SPATA12: variants seen among roughly 807,000 people sequenced by gnomAD.
SPATA12 encodes the protein spermatogenesis associated 12.
For missense variants in SPATA12, 219 were observed against 226.4 expected, an observed-to-expected ratio of 0.97 and a Z score of 0.21; for synonymous variants, 85 against 89.2, an observed-to-expected ratio of 0.95 and a Z score of 0.26.
intron 1 of SPATA12, among the ~76,000 whole-genome samples, chr3:57,067,925 G>C (rs1705652689): frequency 6.6e-6 from 1 of 152,012 alleles, no homozygotes; most frequent in African/African-American, 2.4e-5. Flanking sequence ...GGGAGGCAGA[G>C]CTTGCAGTGA....
chr3:57,061,585 C>T (rs773119601), intron 1 of SPATA12, among the ~76,000 whole-genome samples: 3 of 152,272 alleles, frequency 2.0e-5, no homozygotes, highest in South Asian at 2.1e-4. Flanking sequence ...TTGTGAATAA[C>T]GCTGCTGGGA....
rs1356539202 is a variant in SPATA12 at position 57,075,019 on chromosome 3, C to T, written c.*752C>T. ...CCTTCTGCAGTGAGATAGACCATGT[C>T]CAGTGCTCAGGAGTTGACTGGCCAC... On this transcript the variant is annotated 3_prime_UTR_variant, in exon 2 of 2. Coordinates refer to ENST00000334325, the MANE Select transcript of SPATA12 (RefSeq NM_181727.2). 6.0e-6 allele frequency: 1 copy of T among 167,162 alleles called. No homozygotes were observed. Among genetic ancestry groups the T allele is most frequent in the Non-Finnish European group, 1.5e-5 (1 of 68,226 alleles). 10.4% of individuals were successfully genotyped at this position (167,162 alleles called of 1,614,324 possible).
intron 1 of SPATA12, among the ~76,000 whole-genome samples, chr3:57,068,159 A>G (rs1705668998): frequency 2.3e-5 from 1 of 43,510 alleles, no homozygotes; most frequent in African/African-American, 8.9e-5. Context: ...ATATGCGCGC[A>G]CACACACATA....
intron 1 of SPATA12, among the ~76,000 whole-genome samples, chr3:57,067,381 G>C (rs1705603544): frequency 6.6e-6 from 1 of 151,488 alleles, no homozygotes; most frequent in Non-Finnish European, 1.5e-5. Context: ...CGTGAACCCA[G>C]GAGGCAGAGC....
In SPATA12 at chr3:57,073,859, G is replaced by C; in HGVS notation, c.165G>C (p.Gln55His). The stretch of plus-strand genomic sequence containing the variant: ...CCCACTGTGCACTGGCATCATGCCA[G>C]GGTCCAGGTGTCCTGCCAGGAGCAG... ...NKPHCALASC[Q>H]GPGVLPGAAS... Residue 55 changes from glutamine to histidine, a missense_variant, in exon 2 of 2, where the codon CAG becomes CAC. Coordinates refer to ENST00000334325, the MANE Select transcript of SPATA12 (RefSeq NM_181727.2). The C allele has an allele frequency of 6.2e-7, 1 of 1,614,208 alleles. No homozygotes were observed. Among genetic ancestry groups the C allele is most frequent in the Non-Finnish European group, 8.5e-7 (1 of 1,180,044 alleles).
In SPATA12 at chr3:57,075,040, G is replaced by C. The variant is rs925796170; in HGVS notation, c.*773G>C. 1.8e-5 allele frequency: 3 copies of C among 167,098 alleles called. No individual in the cohort carries two copies. Among genetic ancestry groups the C allele is most frequent in the Non-Finnish European group, 4.4e-5 (3 of 68,156 alleles). The allele number at this position is 167,098 out of a possible 1,614,324, so 10.4% of individuals were successfully genotyped here. A position where few individuals can be genotyped will look rare whatever the true frequency, so the allele number is the denominator to read the frequency against. The stretch of plus-strand genomic sequence containing the variant: ...ATGTCCAGTGCTCAGGAGTTGACTG[G>C]CCACACTGGGGAGTTTGACCACAAC... On this transcript the variant is annotated 3_prime_UTR_variant, in exon 2 of 2. Transcript: ENST00000334325.
chr3:57,066,265 T>C (rs1035875972), intron 1 of SPATA12, among the ~76,000 whole-genome samples: 2 of 151,500 alleles, frequency 1.3e-5, no homozygotes, highest in African/African-American at 4.9e-5. Flanking sequence ...ACTTTTCCTT[T>C]CTTTCTTTTT....
At position 57,073,526 on chromosome 3, in the gene SPATA12, GC is replaced by G; in HGVS notation, c.-168del. On this transcript the variant is annotated 5_prime_UTR_variant, in exon 2 of 2. The change creates a premature stop within an existing upstream ORF in the 5' untranslated region. Coordinates refer to ENST00000334325, the MANE Select transcript of SPATA12 (RefSeq NM_181727.2). Reference sequence around the variant, plus strand: ...AGTATCTGGGTGACTGTGGGGTTTGGCTCTGTTTGAGCACCCCGGGATGATT... The same window carrying G: ...AGTATCTGGGTGACTGTGGGGTTTGGTCTGTTTGAGCACCCCGGGATGATT... The G allele has an allele frequency of 8.8e-7, 1 of 1,129,986 alleles. No individual in the cohort carries two copies. Among genetic ancestry groups the G allele is most frequent in the Admixed American group, 3.0e-5 (1 of 33,382 alleles). 70.0% of individuals were successfully genotyped at this position (1,129,986 alleles called of 1,614,324 possible). A position where few individuals can be genotyped will look rare whatever the true frequency, so the allele number is the denominator to read the frequency against.
In SPATA12 at chr3:57,074,377, C is replaced by A; in HGVS notation, c.*110C>A. ...ACCCCCACCAGGGGTGACTCGTAGC[C>A]ATCCCTTTCTGCATCTTCTTAGATA... On this transcript the variant is annotated 3_prime_UTR_variant, in exon 2 of 2. Transcript: ENST00000334325. The A allele has an allele frequency of 1.1e-6, 1 of 923,006 alleles. No individual in the cohort carries two copies. Among genetic ancestry groups the A allele is most frequent in the South Asian group, 1.6e-5 (1 of 62,292 alleles). 57.2% of individuals were successfully genotyped at this position (923,006 alleles called of 1,614,324 possible).
chr3:57,075,178 T>C lies in SPATA12; in HGVS notation c.*911T>C, dbSNP rs1444920727. 1 of 167,230 alleles carries C rather than the reference T, an allele frequency of 6.0e-6. No homozygotes were observed. The highest frequency in any genetic ancestry group is 1.5e-5 in the Non-Finnish European group (1 of 68,236). The allele number at this position is 167,230 out of a possible 1,614,324, so 10.4% of individuals were successfully genotyped here. Reference sequence around the variant, plus strand: ...TCTCCTCAGAAAGACCTTCTCTGACTGAAGCCAGCTCTGCCTCCATCCCAT... The same window carrying C: ...TCTCCTCAGAAAGACCTTCTCTGACCGAAGCCAGCTCTGCCTCCATCCCAT... On this transcript the variant is annotated 3_prime_UTR_variant, in exon 2 of 2. Coordinates refer to ENST00000334325, the MANE Select transcript of SPATA12 (RefSeq NM_181727.2).
rs77724641 is a variant in SPATA12, at chr3:57,073,835, C to G, written c.141C>G (p.Pro47=). 220 of 1,614,238 alleles carry G rather than the reference C, an allele frequency of 1.4e-4. 1 individual carries two copies. In the African/African-American group the frequency reaches 2.7e-3, roughly 20 times the overall value. Residue 47 remains proline (P), a synonymous_variant, in exon 2 of 2, where the codon CCC becomes CCG. Transcript: ENST00000334325. The stretch of plus-strand genomic sequence containing the variant: ...CATCCACCCAACATCCCAACAAACC[C>G]CACTGTGCACTGGCATCATGCCAGG... The part of the protein sequence containing the change: ...LGSSTQHPNK[P]HCALASCQGP...
intron 1 of SPATA12, among the ~76,000 whole-genome samples, chr3:57,063,339 A>T (rs906524529): frequency 6.6e-6 from 1 of 152,170 alleles, no homozygotes; most frequent in African/African-American, 2.4e-5. Context: ...GAGCTATTTG[A>T]GGGCTTTGAG....
At position 57,073,651 on chromosome 3, in the gene SPATA12, C is replaced by A; in HGVS notation, c.-44C>A. ...TCAGGGATTGGCTCCGGCCAAGTGCCCCAGCCTCCTTTTCTGGAGAATTCT... is the reference window on the plus strand; with the variant it reads ...TCAGGGATTGGCTCCGGCCAAGTGCACCAGCCTCCTTTTCTGGAGAATTCT... On this transcript the variant is annotated 5_prime_UTR_variant, in exon 2 of 2. Coordinates refer to ENST00000334325, the MANE Select transcript of SPATA12 (RefSeq NM_181727.2). The A allele has an allele frequency of 6.4e-7, 1 of 1,574,104 alleles. No individual in the cohort carries two copies. Among genetic ancestry groups the A allele is most frequent in the Non-Finnish European group, 8.6e-7 (1 of 1,161,270 alleles).
intron 1 of SPATA12, among the ~76,000 whole-genome samples, chr3:57,060,990 A>AT (rs1273270932): frequency 2.0e-5 from 3 of 152,222 alleles, no homozygotes; most frequent in African/African-American, 7.2e-5. Context: ...AATATAAAAC[A>AT]TACCACTTTA....
chr3:57,075,202 A>G lies in SPATA12; in HGVS notation c.*935A>G, dbSNP rs189448859. On this transcript the variant is annotated 3_prime_UTR_variant, in exon 2 of 2. Transcript: ENST00000334325. ...CTGAAGCCAGCTCTGCCTCCATCCC[A>G]TCACTCTGGATCTCCTTCCCCAGCT... The G allele has an allele frequency of 9.6e-5, 16 of 166,972 alleles. No individual in the cohort carries two copies. The highest frequency in any genetic ancestry group is 1.5e-4 in the Non-Finnish European group (10 of 68,142). 10.3% of individuals were successfully genotyped at this position (166,972 alleles called of 1,614,324 possible).
At chr3:57,070,425 G>A (rs1439842758) in intron 1 of SPATA12, among the ~76,000 whole-genome samples, 1 of 152,198 alleles carries the variant, frequency 6.6e-6, no homozygotes, top group Non-Finnish European at 1.5e-5. Context: ...TGTGCAGTTT[G>A]ATGGATGGGT....
chr3:57,066,754 C>A (rs1705561621), intron 1 of SPATA12, among the ~76,000 whole-genome samples: 1 of 152,204 alleles, frequency 6.6e-6, no homozygotes, highest in Admixed American at 6.5e-5. Context: ...GCAGATTATT[C>A]TCCATGATGT....
intron 1 of SPATA12, among the ~76,000 whole-genome samples, chr3:57,067,721 C>A (rs1039922366): frequency 2.0e-5 from 3 of 150,932 alleles, no homozygotes; most frequent in African/African-American, 7.3e-5. Flanking sequence ...GTGGCTCATG[C>A]CTGTAATCCC....
intron 1 of SPATA12, among the ~76,000 whole-genome samples, chr3:57,063,317 G>T (rs549437048): frequency 4.6e-4 from 70 of 152,286 alleles, no homozygotes; most frequent in African/African-American, 1.7e-3. Context: ...TGGCTTTGTT[G>T]CAGTGAAATG....
Sources: allele counts gnomAD v4.1 joint callset (sites outside exome capture counted in the v4.1 genomes callset), GRCh38; gene constraint gnomAD v4.1.1; transcripts MANE v1.5; gene names NCBI Gene and HGNC (gene_info 2026-07-23, HGNC 2026-07-21).